POLN: variants seen among roughly 807,000 people sequenced by gnomAD.
The protein encoded by POLN is DNA polymerase nu.
Under a neutral mutation model 113.5 loss-of-function variants are expected in POLN, and 108 were observed. The ratio of observed to expected loss-of-function variants is 0.95; its 90% CI spans 0.81 to 1.12. POLN has a LOEUF of 1.12. Among genes scored for constraint, POLN ranks in the 50% most tolerant of loss-of-function variants. The probability of loss-of-function intolerance (pLI) is 0.00; values close to 1 mark genes in which losing one functional copy is unlikely to be tolerated. For missense variants in POLN, 1,097 were observed against 1,077.1 expected, an observed-to-expected ratio of 1.02 and a Z score of -0.26; for synonymous variants, 386 against 391.5, an observed-to-expected ratio of 0.99 and a Z score of 0.17.
intron 3 of POLN, among the ~76,000 whole-genome samples, chr4:2,221,256 T>C (rs1444671365): frequency 6.6e-6 from 1 of 151,938 alleles, no homozygotes; most frequent in Non-Finnish European, 1.5e-5. Flanking sequence ...TCCCCCTTCC[T>C]CAGCCATCCA....
intron 16 of POLN, among the ~76,000 whole-genome samples, chr4:2,138,000 A>G (rs1000862421): frequency 6.6e-6 from 1 of 151,978 alleles, no homozygotes; most frequent in African/African-American, 2.4e-5. Context: ...CACCACGCCC[A>G]GCTAATTCTT....
intron 7 of POLN, among the ~76,000 whole-genome samples, chr4:2,185,552 C>T (rs181321706): frequency 7.4e-4 from 112 of 152,310 alleles, no homozygotes; most frequent in African/African-American, 2.7e-3. Flanking sequence ...TCGAGACCAG[C>T]CTGGCCAACA....
chr4:2,086,426 G>A (rs1174862911), intron 20 of POLN, among the ~76,000 whole-genome samples: 1 of 152,232 alleles, frequency 6.6e-6, no homozygotes, highest in Non-Finnish European at 1.5e-5. Flanking sequence ...CCCACCAGGA[G>A]GTTCTGTGTG....
At position 2,179,458 on chromosome 4, in the gene POLN, A is replaced by G; in HGVS notation, c.1029T>C (p.Asp343=). Residue 343 remains aspartate (D), a synonymous_variant, in exon 8 of 26, where the codon GAT becomes GAC. Coordinates refer to ENST00000511885, the MANE Select transcript of POLN (RefSeq NM_181808.4). ...CAATTCTGGGATCTAGCCCTATAAA[A>G]TCAGCAACTGAAGAGAAAAAGGTCA... is the stretch of plus-strand genomic sequence containing the variant. The part of the protein sequence containing the change: ...GNDGSWKHVA[D]FIGLDPRIAA... 1 of 1,613,090 alleles carries G rather than the reference A, an allele frequency of 6.2e-7. No individual in the cohort carries two copies. Among genetic ancestry groups the G allele is most frequent in the Non-Finnish European group, 8.5e-7 (1 of 1,179,690 alleles).
At chr4:2,121,446 A>AT (rs35672300) in intron 19 of POLN, among the ~76,000 whole-genome samples, 4,142 of 83,632 alleles carry the variant, frequency 0.05, 75 homozygotes, top group South Asian at 0.13. Flanking sequence ...AAAAAAAAAA[A>AT]AAAAAAATAT....
intron 2 of POLN, chr4:2,238,625 G>A (rs142677375): frequency 3.7e-6 from 6 of 1,601,738 alleles, no homozygotes; most frequent in Non-Finnish European, 5.1e-6. Context: ...ATAATCCTTA[G>A]TATCAATGGT....
intron 16 of POLN, among the ~76,000 whole-genome samples, chr4:2,143,662 A>G (rs781594944): frequency 2.6e-5 from 4 of 152,224 alleles, no homozygotes; most frequent in Non-Finnish European, 5.9e-5. Flanking sequence ...CAAAAAGCAC[A>G]AGAGGAAGGA....
chr4:2,240,535 T>C, intron 2 of POLN: 1 of 1,613,828 alleles, frequency 6.2e-7, no homozygotes, highest in Non-Finnish European at 8.5e-7. Context: ...TCTTTAGCAT[T>C]TAACCTCAGA....
At chr4:2,174,969 C>G (rs1732959608) in intron 9 of POLN, among the ~76,000 whole-genome samples, 1 of 151,860 alleles carries the variant, frequency 6.6e-6, no homozygotes, top group Non-Finnish European at 1.5e-5. Flanking sequence ...ACTACAGGCA[C>G]CCCCCACCAT....
intron 19 of POLN, among the ~76,000 whole-genome samples, chr4:2,101,534 C>G (rs1361857920): frequency 1.3e-5 from 2 of 152,208 alleles, no homozygotes; most frequent in Non-Finnish European, 2.9e-5. Flanking sequence ...GGGGATTGTA[C>G]AATCCAGGCC....
chr4:2,131,699 G>A (rs954846021), intron 16 of POLN, among the ~76,000 whole-genome samples: 1 of 152,122 alleles, frequency 6.6e-6, no homozygotes, highest in Non-Finnish European at 1.5e-5. Context: ...CTTTGATGCT[G>A]GTCATTCCCC....
At chr4:2,238,950 TTCTG>T (rs773057550) in intron 2 of POLN, 2 of 1,602,352 alleles carry the variant, frequency 1.2e-6, no homozygotes, top group South Asian at 2.2e-5. Context: ...GCAGGTAAAC[TTCTG>T]TCTTTTATTT....
chr4:2,161,338 T>C (rs1732583228), intron 13 of POLN, among the ~76,000 whole-genome samples: 1 of 152,122 alleles, frequency 6.6e-6, no homozygotes, highest in African/African-American at 2.4e-5. Context: ...AGGGTGGGCG[T>C]GGGCTTGGCA....
chr4:2,072,438 C>T, intron 25 of POLN, 139 bp from the exon 26 acceptor site: 2 of 712,846 alleles, frequency 2.8e-6, no homozygotes, highest in African/African-American at 1.8e-5. Context: ...CACACGCACA[C>T]ATGTGCATAC....
chr4:2,219,751 T>C (rs1167272678), intron 3 of POLN, among the ~76,000 whole-genome samples: 4 of 152,190 alleles, frequency 2.6e-5, no homozygotes, highest in African/African-American at 4.8e-5. Context: ...CTCCTGGCTT[T>C]TCATGCCTTC....
At chr4:2,212,974 T>G in intron 4 of POLN, 73 bp downstream of exon 4, 1 of 1,073,372 alleles carries the variant, frequency 9.3e-7, no homozygotes, top group Non-Finnish European at 1.4e-6. Context: ...TAGCACACAG[T>G]AGAACACTTA....
chr4:2,108,556 T>C (rs1731122529), intron 19 of POLN, among the ~76,000 whole-genome samples: 1 of 152,098 alleles, frequency 6.6e-6, no homozygotes, highest in Non-Finnish European at 1.5e-5. Flanking sequence ...GTAAATTCGG[T>C]GAATTTTTCT....
At chr4:2,147,647 T>TG (rs1732181346) in intron 16 of POLN, among the ~76,000 whole-genome samples, 3 of 141,622 alleles carry the variant, frequency 2.1e-5, no homozygotes, top group Admixed American at 1.4e-4. Context: ...TCTTTTCTTT[T>TG]TTTTTTTTTT....
At chr4:2,094,159 C>T (rs1286507380) in intron 20 of POLN, among the ~76,000 whole-genome samples, 2 of 151,846 alleles carry the variant, frequency 1.3e-5, no homozygotes, top group Admixed American at 6.6e-5. Flanking sequence ...CCAGCCTGGC[C>T]AACATGGTGA....
Sources: allele counts gnomAD v4.1 joint callset (sites outside exome capture counted in the v4.1 genomes callset), GRCh38; gene constraint gnomAD v4.1.1; transcripts MANE v1.5; gene names NCBI Gene and HGNC (gene_info 2026-07-23, HGNC 2026-07-21).